Variants in KCNMA1 observed in about 807,000 individuals in gnomAD.
KCNMA1 encodes Calcium-activated potassium channel subunit alpha-1.
Under a neutral mutation model 140.0 loss-of-function variants are expected in KCNMA1, and 29 were observed. The observed-to-expected ratio is 0.21, with a 90% CI of 0.15 to 0.28. The LOEUF (loss-of-function observed/expected upper bound fraction) is 0.28. KCNMA1 is among the 10% of genes least tolerant of loss of function. The pLI, the probability that KCNMA1 is intolerant of heterozygous loss-of-function variation, is 1.00. For missense variants in KCNMA1, 880 were observed against 1,602.2 expected (o/e 0.55, Z 7.70); for synonymous variants, 612 against 611.9 (o/e 1.00, Z 0.00).
intron 2 of KCNMA1, among the ~76,000 whole-genome samples, chr10:77,252,612 A>ACC (rs2059891154): frequency 6.6e-6 from 1 of 151,068 alleles, no homozygotes; most frequent in East Asian, 2.0e-4. Flanking sequence ...TTTTACACCC[A>ACC]CCCACACACA....
intron 20 of KCNMA1, among the ~76,000 whole-genome samples, chr10:76,956,039 A>T (rs2068144354): frequency 6.6e-6 from 1 of 152,192 alleles, no homozygotes. Flanking sequence ...CTATGTTCCC[A>T]TAATATCAGC....
intron 1 of KCNMA1, among the ~76,000 whole-genome samples, chr10:77,565,223 C>T (rs1567579142): frequency 6.6e-6 from 1 of 152,188 alleles, no homozygotes. Context: ...TCCCTCCAGG[C>T]TCAGGGATTC....
chr10:77,030,049 T>C (rs1429668704), intron 15 of KCNMA1, among the ~76,000 whole-genome samples: 1 of 152,226 alleles, frequency 6.6e-6, no homozygotes, highest in Non-Finnish European at 1.5e-5. Flanking sequence ...GAAGGCCTCA[T>C]GCTCTCCAGG....
Position 77,062,171 on chromosome 10 carries a change from A to T in KCNMA1, c.1749+10926T>A, listed in dbSNP as rs1208993567. 5.3e-5 allele frequency among the ~76,000 whole-genome samples: 8 copies of T among 152,348 alleles called. No individual in the cohort carries two copies. The East Asian group carries it at 1.5e-3, about 29-fold the overall frequency. The stretch of plus-strand genomic sequence containing the variant: ...TTCTGGAAAACTATAATCATTTCCA[A>T]ATCTTACTGGAATCATGTACCTTCA... On this transcript the variant is annotated intron_variant, in intron 14 of 27. Coordinates refer to ENST00000286628, the MANE Select transcript of KCNMA1 (RefSeq NM_001161352.2).
chr10:77,488,806 G>A (rs530091345), intron 1 of KCNMA1, among the ~76,000 whole-genome samples: 1 of 152,192 alleles, frequency 6.6e-6, no homozygotes, highest in Non-Finnish European at 1.5e-5. Flanking sequence ...CCCAATCAGG[G>A]GCAAAGTTGC....
intron 1 of KCNMA1, chr10:77,635,079 G>C (rs960240221): frequency 2.6e-5 from 4 of 152,184 alleles, no homozygotes; most frequent in Non-Finnish European, 5.9e-5. Flanking sequence ...CTCACTTCCA[G>C]TTATGTCCAC....
intron 1 of KCNMA1, among the ~76,000 whole-genome samples, chr10:77,500,409 A>G (rs2043448873): frequency 6.6e-6 from 1 of 152,202 alleles, no homozygotes; most frequent in Non-Finnish European, 1.5e-5. Context: ...CTGCTTTGGG[A>G]GGCCGAGGTG....
At chr10:77,081,758 G>T (rs565578745) in intron 12 of KCNMA1, among the ~76,000 whole-genome samples, 34 of 152,262 alleles carry the variant, frequency 2.2e-4, no homozygotes. Context: ...GCCCTGCCTT[G>T]CAGTTCACAG....
chr10:77,046,265 C>T (rs906963849), intron 14 of KCNMA1, among the ~76,000 whole-genome samples: 1 of 152,030 alleles, frequency 6.6e-6, no homozygotes, highest in Non-Finnish European at 1.5e-5. Flanking sequence ...TTATATATAT[C>T]AATTATGCAA....
chr10:77,518,893 A>G (rs2051665814), intron 1 of KCNMA1, among the ~76,000 whole-genome samples: 1 of 152,218 alleles, frequency 6.6e-6, no homozygotes, highest in Admixed American at 6.5e-5. Context: ...GTATGAATGC[A>G]CGCTTGGAGA....
chr10:77,126,345 A>G (rs536612052), intron 5 of KCNMA1, among the ~76,000 whole-genome samples: 6 of 152,244 alleles, frequency 3.9e-5, no homozygotes, highest in Non-Finnish European at 5.9e-5. Context: ...TATATGATCA[A>G]TTCTTAAAAA....
intron 3 of KCNMA1, among the ~76,000 whole-genome samples, chr10:77,191,090 C>A (rs1220487954): frequency 6.6e-6 from 1 of 152,126 alleles, no homozygotes; most frequent in African/African-American, 2.4e-5. Flanking sequence ...GAGAGTAGGT[C>A]TAAGTGATTT....
chr10:77,162,673 C>CATTGGAG (rs2098576756), intron 5 of KCNMA1, among the ~76,000 whole-genome samples: 1 of 152,108 alleles, frequency 6.6e-6, no homozygotes, highest in African/African-American at 2.4e-5. Context: ...TGGTACTCTC[C>CATTGGAG]AATGGGTAAA....
At chr10:77,109,203 T>C (rs1268423997) in intron 8 of KCNMA1, among the ~76,000 whole-genome samples, 5 of 152,136 alleles carry the variant, frequency 3.3e-5, no homozygotes, top group Admixed American at 6.5e-5. Flanking sequence ...TTTTTATCTA[T>C]AGGCACCTCA....
chr10:76,958,571 A>C (rs1374435586), intron 20 of KCNMA1, among the ~76,000 whole-genome samples: 1 of 152,228 alleles, frequency 6.6e-6, no homozygotes, highest in Non-Finnish European at 1.5e-5. Context: ...TCTTTAAAGA[A>C]GTAATTAAGT....
At position 76,891,692 on chromosome 10, in the gene KCNMA1, G is replaced by A. The variant is rs757418618; in HGVS notation, c.3175C>T (p.Leu1059=). 3.7e-6 allele frequency: 6 copies of A among 1,613,918 alleles called. No homozygotes were observed. Among genetic ancestry groups the A allele is most frequent in the Admixed American group, 3.3e-5 (2 of 60,012 alleles). The change falls in exon 26 of 28, where the codon CTG becomes TTG. Residue 1059 remains leucine, a synonymous_variant. Transcript: ENST00000286628. ...ATYFNDNILT[L]IRTLVTGGAT... is the part of the protein sequence containing the mutation. The stretch of plus-strand genomic sequence containing the variant: ...CCTCCGGTCACCAGGGTCCGTATCA[G>A]GGTGAGGATATTGTCATTGAAGTAC...
chr10:77,637,036 G>T, intron 1 of KCNMA1: 2 of 1,406,310 alleles, frequency 1.4e-6, no homozygotes, highest in Non-Finnish European at 1.8e-6. Flanking sequence ...AGGATTGAGC[G>T]TCCGCGTCCC....
At chr10:77,379,664 A>C (rs2095311132) in intron 2 of KCNMA1, among the ~76,000 whole-genome samples, 1 of 152,142 alleles carries the variant, frequency 6.6e-6, no homozygotes, top group Admixed American at 6.5e-5. Flanking sequence ...GAAGCTTATC[A>C]GTAGATTTTA....
Position 76,974,240 on chromosome 10 carries a change from T to C in KCNMA1, c.2267-4173A>G, listed in dbSNP as rs560684964. 5.8e-5 allele frequency: 27 copies of C among 463,192 alleles called. No individual in the cohort carries two copies. In the Admixed American group the frequency reaches 9.0e-4, roughly 15 times the overall value. The allele number at this position is 463,192 out of a possible 1,614,324, so 28.7% of individuals were successfully genotyped here. A position where few individuals can be genotyped will look rare whatever the true frequency, so the allele number is the denominator to read the frequency against. On this transcript the variant is annotated intron_variant, in intron 19 of 27. Transcript: ENST00000286628. The stretch of plus-strand genomic sequence containing the variant: ...AAAGTGGTTTGAACACAAAGGCATC[T>C]AGCTAACAGGGCTTCCGACTGAAGT...
Sources: allele counts gnomAD v4.1 joint callset (sites outside exome capture counted in the v4.1 genomes callset), GRCh38; gene constraint gnomAD v4.1.1; transcripts MANE v1.5; gene names NCBI Gene and HGNC (gene_info 2026-07-23, HGNC 2026-07-21).